CDK17: variants seen among roughly 807,000 people sequenced by gnomAD.
The protein encoded by CDK17 is cyclin-dependent kinase 17.
CDK17 carries 24 observed loss-of-function variants against 77.6 expected under a neutral mutation model. The observed-to-expected ratio is 0.31, with a 90% CI of 0.22 to 0.44. The LOEUF (loss-of-function observed/expected upper bound fraction) is 0.44. Among genes scored for constraint, CDK17 ranks in the 20% least tolerant of loss-of-function variants. The probability of loss-of-function intolerance (pLI) is 1.00; values close to 1 mark genes in which losing one functional copy is unlikely to be tolerated. For synonymous variants in CDK17, 203 were observed against 210.4 expected (o/e 0.96, Z 0.30); for missense variants, 429 against 622.5 (o/e 0.69, Z 3.31).
In CDK17 at chr12:96,300,349, G is replaced by T; in HGVS notation, c.555C>A (p.Gly185=). 6.3e-7 allele frequency: 1 copy of T among 1,578,880 alleles called. No homozygotes were observed. The highest frequency in any genetic ancestry group is 8.7e-7 in the Non-Finnish European group (1 of 1,154,970). Residue 185 remains glycine, a synonymous_variant, in exon 6 of 17, where the codon GGC becomes GGA. Transcript: ENST00000261211. ...TGATGTAGGTTTCCATTTTTCCAAA[G>T]CCAATTTCTGACTGAAAAGTAAACA... is the stretch of plus-strand genomic sequence containing the variant. ...RSRRASLSEI[G]FGKMETYIKL... is the part of the protein sequence containing the mutation.
At chr12:96,313,296 A>G (rs762814432) in intron 4 of CDK17, 25 bp downstream of exon 4, 15 of 1,548,738 alleles carry the variant, frequency 9.7e-6, no homozygotes, top group Admixed American at 4.0e-5. Context: ...ATTCACAAGT[A>G]TATTTGTATT....
chr12:96,332,349 C>T (rs1396208795), intron 2 of CDK17, among the ~76,000 whole-genome samples: 1 of 152,224 alleles, frequency 6.6e-6, no homozygotes, highest in Non-Finnish European at 1.5e-5. Flanking sequence ...CATTATGCTA[C>T]TATTTGGCAT....
At chr12:96,392,596 C>A (rs34106146) in intron 1 of CDK17, among the ~76,000 whole-genome samples, 1 of 152,054 alleles carries the variant, frequency 6.6e-6, no homozygotes, top group South Asian at 2.1e-4. Flanking sequence ...AACAGAAAAG[C>A]GTAAGAAAGA....
rs140549470 is a variant in CDK17 at position 96,305,699 on chromosome 12, G to A, written c.544-5339C>T. On this transcript the variant is annotated intron_variant, in intron 5 of 16. Transcript: ENST00000261211. ...TGCAAGTTTGTTATACAGAAAAGGA[G>A]GGAGTTTTCGGTTAATGGCCACCCC... Among the ~76,000 whole-genome samples the A allele has an allele frequency of 3.5e-3, 526 of 152,154 alleles. 2 individuals are homozygous for A. The highest frequency in any genetic ancestry group is 0.011 in the African/African-American group (450 of 41,532).
At chr12:96,379,332 A>C (rs1953837326) in intron 1 of CDK17, among the ~76,000 whole-genome samples, 1 of 152,210 alleles carries the variant, frequency 6.6e-6, no homozygotes, top group Admixed American at 6.5e-5. Context: ...ATGCAGAACA[A>C]TTTATAGAAA....
intron 1 of CDK17, among the ~76,000 whole-genome samples, chr12:96,391,205 G>A (rs1028564572): frequency 3.4e-4 from 51 of 151,908 alleles, no homozygotes; most frequent in Admixed American, 3.3e-3. Context: ...TGCAGTAAGC[G>A]CATTTAAGCC....
At chr12:96,374,689 G>C (rs1473870422) in intron 1 of CDK17, among the ~76,000 whole-genome samples, 1 of 152,162 alleles carries the variant, frequency 6.6e-6, no homozygotes, top group Non-Finnish European at 1.5e-5. Flanking sequence ...ACCAGGAAAA[G>C]GGGGGAACTA....
chr12:96,303,958 A>G (rs1211870960), intron 5 of CDK17, among the ~76,000 whole-genome samples: 1 of 152,248 alleles, frequency 6.6e-6, no homozygotes, highest in Non-Finnish European at 1.5e-5. Flanking sequence ...CCCTATACAT[A>G]TTAAATACAC....
intron 1 of CDK17, among the ~76,000 whole-genome samples, chr12:96,353,687 A>G (rs1325123223): frequency 1.3e-5 from 2 of 151,844 alleles, no homozygotes; most frequent in Non-Finnish European, 2.9e-5. Flanking sequence ...GGGTCTCAGG[A>G]TCACAAATCA....
chr12:96,395,401 G>A (rs1053275566), intron 1 of CDK17, among the ~76,000 whole-genome samples: 1 of 152,098 alleles, frequency 6.6e-6, no homozygotes, highest in Non-Finnish European at 1.5e-5. Context: ...ACAGTGTAGA[G>A]TAGTGGTTTG....
chr12:96,285,390 TG>T (rs1194173114), intron 13 of CDK17, among the ~76,000 whole-genome samples: 5 of 152,072 alleles, frequency 3.3e-5, no homozygotes, highest in African/African-American at 1.2e-4. Context: ...TGAATGGCTT[TG>T]GGTTAAAATA....
chr12:96,286,981 T>A (rs762535057), intron 11 of CDK17, among the ~76,000 whole-genome samples: 1 of 152,182 alleles, frequency 6.6e-6, no homozygotes, highest in African/African-American at 2.4e-5. Flanking sequence ...TGTCCAACTC[T>A]CCTTTGCATA....
rs559262441 is a variant in CDK17, at chr12:96,310,973, A to T, written c.543+79T>A. ...TATTCTAAAGTCAAGTATAAAAATTAATTTAAAATGTTTACACCCAGAAGC... is the reference window on the plus strand; with the variant it reads ...TATTCTAAAGTCAAGTATAAAAATTTATTTAAAATGTTTACACCCAGAAGC... On this transcript the variant is annotated intron_variant, in intron 5 of 16. Transcript: ENST00000261211. 13 of 1,414,152 alleles carry T rather than the reference A, an allele frequency of 9.2e-6. No individual in the cohort carries two copies. In the South Asian group the frequency reaches 1.3e-4, roughly 14 times the overall value. 87.6% of individuals were successfully genotyped at this position (1,414,152 alleles called of 1,614,324 possible). A position where few individuals can be genotyped will look rare whatever the true frequency, so the allele number is the denominator to read the frequency against.
At chr12:96,380,280 C>A (rs1168168013) in intron 1 of CDK17, among the ~76,000 whole-genome samples, 1 of 83,772 alleles carries the variant, frequency 1.2e-5, no homozygotes, top group African/African-American at 4.9e-5. Flanking sequence ...CTCTTTTTAG[C>A]TGGTTTTTTT....
chr12:96,393,969 C>G (rs1275441463), intron 1 of CDK17, among the ~76,000 whole-genome samples: 1 of 151,434 alleles, frequency 6.6e-6, no homozygotes, highest in Non-Finnish European at 1.5e-5. Context: ...AAGTATAGAC[C>G]AGGTGCAGTG....
At chr12:96,325,415 G>A (rs1952880096) in intron 2 of CDK17, among the ~76,000 whole-genome samples, 2 of 152,232 alleles carry the variant, frequency 1.3e-5, no homozygotes, top group Non-Finnish European at 2.9e-5. Context: ...ACTAAGGACA[G>A]GTTGACAGGA....
chr12:96,390,070 C>A (rs1011740999), intron 1 of CDK17, among the ~76,000 whole-genome samples: 2 of 151,858 alleles, frequency 1.3e-5, no homozygotes, highest in Non-Finnish European at 2.9e-5. Context: ...CCTCATAATC[C>A]GCCTGCCTCA....
At chr12:96,367,024 A>G (rs1359438043) in intron 1 of CDK17, among the ~76,000 whole-genome samples, 2 of 152,084 alleles carry the variant, frequency 1.3e-5, no homozygotes, top group African/African-American at 2.4e-5. Context: ...GGAGACTTCT[A>G]GCAAAGTAGT....
intron 1 of CDK17, among the ~76,000 whole-genome samples, chr12:96,375,222 G>A (rs1953758726): frequency 6.6e-6 from 1 of 152,134 alleles, no homozygotes; most frequent in Non-Finnish European, 1.5e-5. Flanking sequence ...TATCTTCACT[G>A]CTCCTTGCCT....
Sources: gnomAD v4.1 joint callset for allele counts (sites outside exome capture counted in the v4.1 genomes callset) on GRCh38, gnomAD v4.1.1 for gene constraint, MANE v1.5 for transcripts, NCBI Gene and HGNC (gene_info 2026-07-23, HGNC 2026-07-21) for gene names.